The following CPNE4 variants were observed in gnomAD, a reference collection of about 807,000 sequenced individuals.
CPNE4 encodes the protein copine 4, also known as copine-4.
A neutral mutation model predicts 67.9 loss-of-function variants in CPNE4; 25 were observed. That is an observed-to-expected ratio of 0.37 (90% confidence interval 0.27 to 0.51). The LOEUF is 0.51. Ranked by LOEUF, CPNE4 falls within the 20% of genes least tolerant of loss-of-function variation. CPNE4 has a pLI of 0.93. For synonymous variants in CPNE4, 242 were observed against 244.9 expected, an observed-to-expected ratio of 0.99 and a Z score of 0.11; for missense variants, 464 against 690.8, an observed-to-expected ratio of 0.67 and a Z score of 3.68.
intron 2 of CPNE4, among the ~76,000 whole-genome samples, chr3:131,797,967 T>C (rs990976525): frequency 2.0e-5 from 3 of 152,136 alleles, no homozygotes; most frequent in Non-Finnish European, 4.4e-5. Flanking sequence ...CCAGTGAGGG[T>C]TCTCTTCCTG....
At chr3:131,835,050 A>G (rs2085503227) in intron 2 of CPNE4, among the ~76,000 whole-genome samples, 1 of 152,224 alleles carries the variant, frequency 6.6e-6, no homozygotes, top group Admixed American at 6.5e-5. Flanking sequence ...GCTAATTTCA[A>G]CAAACACCCT....
intron 6 of CPNE4, among the ~76,000 whole-genome samples, chr3:131,679,803 G>T (rs2080692183): frequency 6.6e-6 from 1 of 152,162 alleles, no homozygotes; most frequent in East Asian, 1.9e-4. Context: ...CTGTTTTTAT[G>T]ATTTCAGTGC....
At chr3:131,648,472 A>C (rs1367146778) in intron 7 of CPNE4, among the ~76,000 whole-genome samples, 1 of 152,240 alleles carries the variant, frequency 6.6e-6, no homozygotes, top group African/African-American at 2.4e-5. Flanking sequence ...AGAGATATTC[A>C]TCTCCATATC....
intron 2 of CPNE4, among the ~76,000 whole-genome samples, chr3:131,823,144 A>G (rs7619391): frequency 0.85 from 129,908 of 152,264 alleles, 56,081 homozygotes; most frequent in East Asian, 1. Context: ...CGGTCTGTAC[A>G]CTTAACTTCT....
intron 1 of CPNE4, among the ~76,000 whole-genome samples, chr3:132,021,929 C>T (rs2107690213): frequency 1.3e-5 from 2 of 152,242 alleles, no homozygotes; most frequent in East Asian, 3.9e-4. Flanking sequence ...ATAGAAGTTT[C>T]GATCTAAGTA....
intron 2 of CPNE4, among the ~76,000 whole-genome samples, chr3:131,735,851 A>C (rs995947655): frequency 3.9e-5 from 6 of 152,196 alleles, no homozygotes; most frequent in African/African-American, 1.4e-4. Context: ...ATTTTGCCCA[A>C]TTTCCATAGA....
At chr3:131,742,213 G>T (rs7624825) in intron 2 of CPNE4, among the ~76,000 whole-genome samples, 9 of 152,064 alleles carry the variant, frequency 5.9e-5, no homozygotes, top group African/African-American at 2.2e-4. Context: ...CAGGCCTTAT[G>T]CAACTCACTG....
chr3:131,922,777 A>G (rs780102662), intron 1 of CPNE4, among the ~76,000 whole-genome samples: 1 of 152,220 alleles, frequency 6.6e-6, no homozygotes, highest in Non-Finnish European at 1.5e-5. Flanking sequence ...GAATTAGAGG[A>G]GAGAATAGAC....
chr3:131,922,254 G>A (rs953793261), intron 1 of CPNE4, among the ~76,000 whole-genome samples: 4 of 152,150 alleles, frequency 2.6e-5, no homozygotes, highest in African/African-American at 9.7e-5. Context: ...ATATGATTTT[G>A]TTCTTTTATA....
At chr3:131,629,391 CT>C (rs60081636) in intron 7 of CPNE4, among the ~76,000 whole-genome samples, 20 of 151,228 alleles carry the variant, frequency 1.3e-4, no homozygotes, top group Non-Finnish European at 2.1e-4. Flanking sequence ...GTATGTTCAT[CT>C]TTTTTTTTCA....
chr3:131,952,619 G>A (rs1191286030), intron 1 of CPNE4, among the ~76,000 whole-genome samples: 1 of 142,574 alleles, frequency 7.0e-6, no homozygotes, highest in Admixed American at 6.9e-5. Context: ...GAGGGAGGTG[G>A]GGGGGTCAGC....
At chr3:131,822,911 C>T (rs1229426104) in intron 2 of CPNE4, among the ~76,000 whole-genome samples, 2 of 152,102 alleles carry the variant, frequency 1.3e-5, no homozygotes, top group African/African-American at 4.8e-5. Flanking sequence ...GATCTCGGCT[C>T]ACCTGCAACC....
intron 1 of CPNE4, among the ~76,000 whole-genome samples, chr3:131,968,502 A>G (rs192230798): frequency 2.6e-5 from 4 of 152,362 alleles, no homozygotes; most frequent in Non-Finnish European, 5.9e-5. Context: ...GAACTTAAAC[A>G]AATTTACAAG....
chr3:131,993,531 A>G (rs1181551328), intron 1 of CPNE4, among the ~76,000 whole-genome samples: 3 of 128,256 alleles, frequency 2.3e-5, no homozygotes, highest in Non-Finnish European at 5.2e-5. Flanking sequence ...CACTTTCATG[A>G]CTTTGTCTGT....
intron 3 of CPNE4, among the ~76,000 whole-genome samples, chr3:131,710,709 C>G (rs898397127): frequency 6.6e-6 from 1 of 152,180 alleles, no homozygotes; most frequent in Non-Finnish European, 1.5e-5. Flanking sequence ...TGAGATATAA[C>G]AAGACCCCCT....
chr3:131,764,437 A>G (rs1224639072), intron 2 of CPNE4, among the ~76,000 whole-genome samples: 1 of 152,140 alleles, frequency 6.6e-6, no homozygotes, highest in African/African-American at 2.4e-5. Flanking sequence ...AAGAAATTAT[A>G]TTCAAATGTT....
chr3:131,590,016 G>A (rs564773329), intron 7 of CPNE4, among the ~76,000 whole-genome samples: 1 of 152,292 alleles, frequency 6.6e-6, no homozygotes, highest in South Asian at 2.1e-4. Flanking sequence ...AGTTTGGGGT[G>A]GGAGGAGGGG....
At chr3:131,940,076 G>T (rs2071342281) in intron 1 of CPNE4, among the ~76,000 whole-genome samples, 5 of 152,018 alleles carry the variant, frequency 3.3e-5, no homozygotes, top group Admixed American at 2.6e-4. Flanking sequence ...CTCTAACCCT[G>T]TCCTGGAAGC....
chr3:131,852,327 T>C (rs1415935924), intron 2 of CPNE4, among the ~76,000 whole-genome samples: 1 of 151,952 alleles, frequency 6.6e-6, no homozygotes, highest in Non-Finnish European at 1.5e-5. Flanking sequence ...ACATTATAGG[T>C]AAGTGGGTTT....
Sources: gnomAD v4.1 joint callset for allele counts (sites outside exome capture counted in the v4.1 genomes callset) on GRCh38, gnomAD v4.1.1 for gene constraint, MANE v1.5 for transcripts, NCBI Gene and HGNC (gene_info 2026-07-23, HGNC 2026-07-21) for gene names.